CBFA2T2: variants seen among roughly 807,000 people sequenced by gnomAD.
CBFA2T2 encodes the protein CBFA2/RUNX1 partner transcriptional co-repressor 2.
In CBFA2T2, 11 loss-of-function variants were observed where a neutral mutation model predicts 62.2. The ratio of observed to expected loss-of-function variants is 0.18; its 90% CI spans 0.11 to 0.29. CBFA2T2 has a LOEUF of 0.29. Ranked by LOEUF, CBFA2T2 falls within the 10% of genes least tolerant of loss-of-function variation. The pLI, the probability that CBFA2T2 is intolerant of heterozygous loss-of-function variation, is 1.00. For missense variants in CBFA2T2, 592 were observed against 774.1 expected, an observed-to-expected ratio of 0.76 and a Z score of 2.79; for synonymous variants, 295 against 287.5, an observed-to-expected ratio of 1.03 and a Z score of -0.27.
intron 1 of CBFA2T2, among the ~76,000 whole-genome samples, chr20:33,556,452 G>A (rs541858743): frequency 6.6e-6 from 1 of 152,196 alleles, no homozygotes; most frequent in Admixed American, 6.5e-5. Flanking sequence ...ATGTCTGCCA[G>A]GTTACTCCAC....
chr20:33,518,236 T>G (rs2011639502), intron 1 of CBFA2T2, among the ~76,000 whole-genome samples: 1 of 152,126 alleles, frequency 6.6e-6, no homozygotes, highest in Non-Finnish European at 1.5e-5. Context: ...CGTGAGTCAC[T>G]GCATCCTGCC....
chr20:33,620,306 A>G (rs2015896065), intron 4 of CBFA2T2, among the ~76,000 whole-genome samples: 1 of 151,998 alleles, frequency 6.6e-6, no homozygotes, highest in South Asian at 2.1e-4. Context: ...TCAGGAGTTC[A>G]AGACCAGACT....
At chr20:33,611,662 C>T (rs2015533470) in intron 3 of CBFA2T2, among the ~76,000 whole-genome samples, 1 of 152,082 alleles carries the variant, frequency 6.6e-6, no homozygotes. Flanking sequence ...ACTACATGTG[C>T]ATGCCGCCAT....
chr20:33,599,591 T>C (rs2015035066), intron 1 of CBFA2T2, among the ~76,000 whole-genome samples: 1 of 151,458 alleles, frequency 6.6e-6, no homozygotes. Context: ...AATTTCCCTT[T>C]TTTTTTTTTT....
intron 1 of CBFA2T2, among the ~76,000 whole-genome samples, chr20:33,582,812 C>T (rs762304948): frequency 1.3e-5 from 2 of 152,034 alleles, no homozygotes; most frequent in Non-Finnish European, 2.9e-5. Flanking sequence ...TGTGGTAGCA[C>T]GTGCCTGTAA....
In CBFA2T2 at chr20:33,649,196, G is replaced by GT. The variant is rs907427537; in HGVS notation, c.*4551dup. 4 of 152,114 alleles carry GT rather than the reference G, an allele frequency of 2.6e-5. No homozygotes were observed. Among genetic ancestry groups the GT allele is most frequent in the African/African-American group, 9.7e-5 (4 of 41,396 alleles). The allele number at this position is 152,114 out of a possible 1,614,324, so 9.4% of individuals were successfully genotyped here. On this transcript the variant is annotated 3_prime_UTR_variant, in exon 11 of 11. Transcript: ENST00000342704. ...TTTTAAGCTGTTTGCAGAAAACTGG[G>GT]TGGTAGCGTGTCTGAACCAAACGGA...
At chr20:33,572,170 A>G (rs1436001117) in intron 1 of CBFA2T2, among the ~76,000 whole-genome samples, 1 of 152,222 alleles carries the variant, frequency 6.6e-6, no homozygotes, top group Non-Finnish European at 1.5e-5. Context: ...TCCCTCATAA[A>G]TTTTAGAATA....
chr20:33,600,870 G>A (rs775098847), intron 1 of CBFA2T2, among the ~76,000 whole-genome samples: 7 of 152,080 alleles, frequency 4.6e-5, no homozygotes, highest in Non-Finnish European at 7.4e-5. Flanking sequence ...CAAAATCCAG[G>A]ACCAAATTAT....
At chr20:33,566,037 C>T (rs574716741) in intron 1 of CBFA2T2, among the ~76,000 whole-genome samples, 1 of 152,006 alleles carries the variant, frequency 6.6e-6, no homozygotes, top group Non-Finnish European at 1.5e-5. Context: ...GACCTATGGA[C>T]AATATTAGGG....
chr20:33,513,017 G>T (rs1248496036), intron 1 of CBFA2T2, among the ~76,000 whole-genome samples: 3 of 152,138 alleles, frequency 2.0e-5, no homozygotes, highest in Non-Finnish European at 4.4e-5. Context: ...CTCCCAAAGT[G>T]CTGGGATTAC....
In CBFA2T2 at chr20:33,644,433, G is replaced by A. The variant is rs1568877477; in HGVS notation, c.1575G>A (p.Lys525=). The A allele has an allele frequency of 7.4e-6, 12 of 1,614,196 alleles. No homozygotes were observed. The highest frequency in any genetic ancestry group is 8.5e-6 in the Non-Finnish European group (10 of 1,180,036). The change falls in exon 11 of 11, where the codon AAG becomes AAA. Residue 525 remains lysine (K), a synonymous_variant. Transcript: ENST00000342704. Reference sequence around the variant, plus strand: ...ACTGTGGCTCTTTCTGCCAGCACAAGGACTGGGAGCGGCACCACCGCCTCT... The same window carrying A: ...ACTGTGGCTCTTTCTGCCAGCACAAAGACTGGGAGCGGCACCACCGCCTCT... ...ARYCGSFCQH[K]DWERHHRLCG... is the part of the protein sequence containing the mutation.
chr20:33,508,246 C>T (rs577664165), intron 1 of CBFA2T2, among the ~76,000 whole-genome samples: 1 of 152,122 alleles, frequency 6.6e-6, no homozygotes. Flanking sequence ...AGGTGTGCGC[C>T]ACCACACCTG....
chr20:33,538,673 G>T (rs1252518921), intron 1 of CBFA2T2, among the ~76,000 whole-genome samples: 1 of 152,054 alleles, frequency 6.6e-6, no homozygotes, highest in Non-Finnish European at 1.5e-5. Flanking sequence ...GCCTCCGTTG[G>T]ATTTTCTGTA....
intron 1 of CBFA2T2, among the ~76,000 whole-genome samples, chr20:33,522,001 A>G (rs1281244811): frequency 6.6e-6 from 1 of 152,076 alleles, no homozygotes; most frequent in African/African-American, 2.4e-5. Flanking sequence ...GTATATATAT[A>G]TATAGTTTAT....
chr20:33,644,600 C>G lies in CBFA2T2; in HGVS notation c.1742C>G (p.Ser581Cys). 1.2e-6 allele frequency: 2 copies of G among 1,611,820 alleles called. No homozygotes were observed. Among genetic ancestry groups the G allele is most frequent in the Non-Finnish European group, 1.7e-6 (2 of 1,178,146 alleles). ...AAGACCTCGGCAACCACATCGCGTTCCTCAACACCTGCTTCTGTGACAGCT... is the reference window on the plus strand; with the variant it reads ...AAGACCTCGGCAACCACATCGCGTTGCTCAACACCTGCTTCTGTGACAGCT... ...LDKTSATTSRSSTPASVTAID... is the reference protein window; with the variant it reads ...LDKTSATTSRCSTPASVTAID... Residue 581 changes from serine to cysteine, a missense_variant, in exon 11 of 11, where the codon TCC (serine) becomes TGC (cysteine). Coordinates refer to ENST00000342704, the MANE Select transcript of CBFA2T2 (RefSeq NM_001032999.3).
intron 1 of CBFA2T2, among the ~76,000 whole-genome samples, chr20:33,582,315 C>T (rs2014155561): frequency 6.6e-6 from 1 of 150,488 alleles, no homozygotes; most frequent in Admixed American, 6.7e-5. Flanking sequence ...ATGGTGAGAC[C>T]CCATCTCTAC....
At chr20:33,562,542 A>G in intron 1 of CBFA2T2, 1 of 985,896 alleles carries the variant, frequency 1.0e-6, no homozygotes, top group Non-Finnish European at 1.2e-6. Context: ...CCAGCTAATG[A>G]AAGGAGGAGG....
At chr20:33,615,805 C>A (rs1489560718) in intron 3 of CBFA2T2, among the ~76,000 whole-genome samples, 2 of 151,922 alleles carry the variant, frequency 1.3e-5, no homozygotes, top group African/African-American at 4.8e-5. Context: ...ACTCATGGGA[C>A]CCAAGGGACT....
chr20:33,577,213 A>T (rs1379886649), intron 1 of CBFA2T2, among the ~76,000 whole-genome samples: 1 of 152,212 alleles, frequency 6.6e-6, no homozygotes, highest in Non-Finnish European at 1.5e-5. Context: ...ACTTGTGCCT[A>T]TACTAAGTAT....
Sources: gnomAD v4.1 joint callset for allele counts (sites outside exome capture counted in the v4.1 genomes callset) on GRCh38, gnomAD v4.1.1 for gene constraint, MANE v1.5 for transcripts, NCBI Gene and HGNC (gene_info 2026-07-23, HGNC 2026-07-21) for gene names.